The following BNC2 variants were observed in gnomAD, a reference collection of about 807,000 sequenced individuals.
BNC2 encodes the protein zinc finger protein basonuclin-2.
A neutral mutation model predicts 76.3 loss-of-function variants in BNC2; 20 were observed. That is an observed-to-expected ratio of 0.26 (90% CI 0.18 to 0.38). BNC2 has a LOEUF of 0.38. BNC2 is among the 10% of genes least tolerant of loss of function. The probability of loss-of-function intolerance (pLI) is 1.00; values close to 1 mark genes in which losing one functional copy is unlikely to be tolerated. For synonymous variants in BNC2, 582 were observed against 514.8 expected (o/e 1.13, Z -1.77); for missense variants, 1,382 against 1,399.8 (o/e 0.99, Z 0.20).
chr9:16,805,592 T>C (rs1441609567), intron 1 of BNC2, among the ~76,000 whole-genome samples: 1 of 152,070 alleles, frequency 6.6e-6, no homozygotes, highest in African/African-American at 2.4e-5. Flanking sequence ...CCTCCCACAG[T>C]GCTGGGATTA....
intron 1 of BNC2, among the ~76,000 whole-genome samples, chr9:16,759,217 G>A: frequency 6.6e-6 from 1 of 152,074 alleles, no homozygotes; most frequent in East Asian, 1.9e-4. Flanking sequence ...CGAGGCAATT[G>A]GAATTGAGGC....
At chr9:16,582,432 C>T (rs1180557741) in intron 4 of BNC2, among the ~76,000 whole-genome samples, 1 of 152,144 alleles carries the variant, frequency 6.6e-6, no homozygotes, top group Non-Finnish European at 1.5e-5. Context: ...TCGACCACCT[C>T]CAATCCCCAT....
intron 3 of BNC2, among the ~76,000 whole-genome samples, chr9:16,591,784 A>C (rs561101303): frequency 2.6e-5 from 4 of 152,336 alleles, no homozygotes; most frequent in Non-Finnish European, 5.9e-5. Flanking sequence ...TATACCTAAA[A>C]GTATGTCTCT....
intron 3 of BNC2, among the ~76,000 whole-genome samples, chr9:16,671,120 C>T (rs150973778): frequency 6.6e-6 from 1 of 152,098 alleles, no homozygotes; most frequent in Non-Finnish European, 1.5e-5. Context: ...AGTTGTGGCA[C>T]TGATCATCTC....
At chr9:16,597,654 T>A (rs151275511) in intron 3 of BNC2, among the ~76,000 whole-genome samples, 132 of 152,254 alleles carry the variant, frequency 8.7e-4, no homozygotes, top group African/African-American at 3.1e-3. Context: ...ACTCTGTATG[T>A]GGACACAAAT....
chr9:16,523,988 A>G (rs1001676905), intron 5 of BNC2, among the ~76,000 whole-genome samples: 2 of 152,168 alleles, frequency 1.3e-5, no homozygotes, highest in Non-Finnish European at 1.5e-5. Context: ...CTATTTTACA[A>G]CTCTAACAGA....
chr9:16,784,771 TA>T lies in BNC2; in HGVS notation c.4-46287del, dbSNP rs538141085. Among the ~76,000 whole-genome samples the T allele has an allele frequency of 4.5e-3, 688 of 152,266 alleles. 3 individuals carry two copies. Among genetic ancestry groups the T allele is most frequent in the African/African-American group, 0.016 (651 of 41,548 alleles). On this transcript the variant is annotated intron_variant, in intron 1 of 6. Coordinates refer to ENST00000380672, the MANE Select transcript of BNC2 (RefSeq NM_017637.6). ...TAGGTCAGTGGGAATGAAAAGGAGTTAAAAGAGTGATGTGAACTCACAGTAT... is the reference window on the plus strand; with the variant it reads ...TAGGTCAGTGGGAATGAAAAGGAGTTAAAGAGTGATGTGAACTCACAGTAT...
At chr9:16,803,685 A>G (rs974393322) in intron 1 of BNC2, among the ~76,000 whole-genome samples, 3 of 152,230 alleles carry the variant, frequency 2.0e-5, no homozygotes, top group African/African-American at 7.2e-5. Context: ...CCAGATGTCA[A>G]TCAAATTATC....
intron 6 of BNC2, among the ~76,000 whole-genome samples, chr9:16,423,236 C>T (rs940586270): frequency 6.6e-6 from 1 of 152,140 alleles, no homozygotes; most frequent in Non-Finnish European, 1.5e-5. Flanking sequence ...GAAGAATACT[C>T]AATAACAAAT....
chr9:16,768,309 T>C (rs1431595417), intron 1 of BNC2, among the ~76,000 whole-genome samples: 4 of 151,748 alleles, frequency 2.6e-5, no homozygotes, highest in African/African-American at 4.8e-5. Flanking sequence ...AGCCACCAAG[T>C]AGTGGCAGTG....
chr9:16,666,181 A>AT (rs200775114), intron 3 of BNC2, among the ~76,000 whole-genome samples: 122 of 151,648 alleles, frequency 8.0e-4, no homozygotes, highest in African/African-American at 1.9e-3. Context: ...CATAAAATAC[A>AT]TTTTTTTTTC....
intron 4 of BNC2, among the ~76,000 whole-genome samples, chr9:16,564,408 G>A (rs776819699): frequency 6.6e-6 from 1 of 152,148 alleles, no homozygotes; most frequent in Non-Finnish European, 1.5e-5. Flanking sequence ...GTAAAGATGA[G>A]GCACAGCTAC....
chr9:16,689,951 C>A (rs139817456), intron 3 of BNC2, among the ~76,000 whole-genome samples: 84 of 152,270 alleles, frequency 5.5e-4, no homozygotes, highest in African/African-American at 1.9e-3. Flanking sequence ...TGAAGATGCA[C>A]GCTAAACACA....
intron 1 of BNC2, among the ~76,000 whole-genome samples, chr9:16,793,617 T>TCCCACC (rs1260174256): frequency 6.7e-6 from 1 of 148,782 alleles, no homozygotes; most frequent in African/African-American, 2.5e-5. Flanking sequence ...TAGATTTCGA[T>TCCCACC]CCCACCCAAA....
At chr9:16,667,076 C>T (rs1033836244) in intron 3 of BNC2, among the ~76,000 whole-genome samples, 8 of 145,446 alleles carry the variant, frequency 5.5e-5, no homozygotes, top group African/African-American at 2.2e-4. Flanking sequence ...CACTCAGATA[C>T]ACATACACAC....
At chr9:16,808,984 G>A (rs898434118) in intron 1 of BNC2, among the ~76,000 whole-genome samples, 4 of 152,140 alleles carry the variant, frequency 2.6e-5, no homozygotes, top group African/African-American at 9.7e-5. Context: ...CAGCCATACT[G>A]AGAAGAGAGG....
At chr9:16,666,975 A>G (rs1483944102) in intron 3 of BNC2, among the ~76,000 whole-genome samples, 3 of 152,108 alleles carry the variant, frequency 2.0e-5, no homozygotes, top group Non-Finnish European at 4.4e-5. Context: ...GAGTGATATT[A>G]CACTCTGAAA....
chr9:16,524,113 G>A (rs918478240), intron 5 of BNC2, among the ~76,000 whole-genome samples: 3 of 150,388 alleles, frequency 2.0e-5, no homozygotes, highest in African/African-American at 7.5e-5. Context: ...CTTGGGGTGA[G>A]AACACCATGC....
chr9:16,650,696 T>C (rs1011608323), intron 3 of BNC2, among the ~76,000 whole-genome samples: 2 of 152,178 alleles, frequency 1.3e-5, no homozygotes, highest in African/African-American at 2.4e-5. Context: ...TTATGCAGTA[T>C]AGCATAATCA....
Sources: allele counts gnomAD v4.1 joint callset (sites outside exome capture counted in the v4.1 genomes callset), GRCh38; gene constraint gnomAD v4.1.1; transcripts MANE v1.5; gene names NCBI Gene and HGNC (gene_info 2026-07-23, HGNC 2026-07-21).